DLG2: variants seen among roughly 807,000 people sequenced by gnomAD.
DLG2 encodes discs large MAGUK scaffold protein 2.
Under a neutral mutation model 132.5 loss-of-function variants are expected in DLG2, and 45 were observed. That is an observed-to-expected ratio of 0.34 (90% CI 0.27 to 0.44). The LOEUF is 0.44. Among genes scored for constraint, DLG2 ranks in the 20% least tolerant of loss-of-function variants. DLG2 has a pLI of 1.00. For synonymous variants in DLG2, 424 were observed against 419.6 expected (o/e 1.01, Z -0.13); for missense variants, 1,045 against 1,196.9 (o/e 0.87, Z 1.87).
intron 7 of DLG2, among the ~76,000 whole-genome samples, chr11:84,380,374 T>G (rs1026991199): frequency 1.3e-5 from 2 of 151,996 alleles, no homozygotes; most frequent in African/African-American, 4.8e-5. Flanking sequence ...AGTTCAAGCC[T>G]CAACAAATGT....
At chr11:84,165,727 G>A (rs952420370) in intron 8 of DLG2, among the ~76,000 whole-genome samples, 1 of 151,924 alleles carries the variant, frequency 6.6e-6, no homozygotes, top group Non-Finnish European at 1.5e-5. Context: ...GTGAAACCCC[G>A]TCTCTACTAA....
At chr11:83,819,324 G>C (rs2050017685) in intron 17 of DLG2, among the ~76,000 whole-genome samples, 1 of 151,750 alleles carries the variant, frequency 6.6e-6, no homozygotes, top group African/African-American at 2.4e-5. Context: ...ACAAAAACTA[G>C]CTGGGCATTG....
chr11:85,260,860 G>C (rs2076902476), intron 4 of DLG2, among the ~76,000 whole-genome samples: 2 of 152,154 alleles, frequency 1.3e-5, no homozygotes, highest in Admixed American at 6.5e-5. Flanking sequence ...CCAGAGATGG[G>C]ATGTAGCAAT....
intron 3 of DLG2, among the ~76,000 whole-genome samples, chr11:85,464,631 C>T (rs2092722075): frequency 6.6e-6 from 1 of 151,990 alleles, no homozygotes; most frequent in Non-Finnish European, 1.5e-5. Flanking sequence ...ATCTTGTGAC[C>T]TCTGGTCACA....
chr11:83,810,277 A>ATATT (rs2153961978), intron 17 of DLG2, among the ~76,000 whole-genome samples: 1 of 152,226 alleles, frequency 6.6e-6, no homozygotes, highest in South Asian at 2.1e-4. Context: ...GCTAATGTTG[A>ATATT]TATTTATCAA....
intron 7 of DLG2, among the ~76,000 whole-genome samples, chr11:84,500,160 G>A (rs1163244154): frequency 6.6e-6 from 1 of 152,106 alleles, no homozygotes; most frequent in South Asian, 2.1e-4. Context: ...TCGTATGATA[G>A]AGCGAGTTGG....
At chr11:84,813,606 A>G (rs1216924347) in intron 6 of DLG2, among the ~76,000 whole-genome samples, 1 of 152,132 alleles carries the variant, frequency 6.6e-6, no homozygotes, top group Non-Finnish European at 1.5e-5. Context: ...ATTGATGGGG[A>G]ATCGCTGACA....
In DLG2 at chr11:85,463,788, A is replaced by C. The variant is rs528792770; in HGVS notation, c.40+134869T>G. 3.9e-5 allele frequency among the ~76,000 whole-genome samples: 6 copies of C among 152,176 alleles called. No individual in the cohort carries two copies. The South Asian group carries it at 6.2e-4, about 16-fold the overall frequency. ...CTTGTTTAAAAATTTAAAAATTTTA[A>C]AAAACCTCGTCAGATATTGGTATTG... On this transcript the variant is annotated intron_variant, in intron 3 of 27. Coordinates refer to ENST00000376104, the MANE Select transcript of DLG2 (RefSeq NM_001142699.3).
intron 8 of DLG2, among the ~76,000 whole-genome samples, chr11:84,209,864 G>A (rs1459583601): frequency 6.6e-6 from 1 of 152,216 alleles, no homozygotes; most frequent in Non-Finnish European, 1.5e-5. Context: ...TGGTGCAAAT[G>A]TAGACTAGAA....
intron 18 of DLG2, among the ~76,000 whole-genome samples, chr11:83,650,265 T>A (rs1384757526): frequency 1.3e-5 from 2 of 152,188 alleles, no homozygotes; most frequent in African/African-American, 2.4e-5. Flanking sequence ...GAGATTTTCC[T>A]GGATTATATG....
intron 15 of DLG2, among the ~76,000 whole-genome samples, chr11:83,908,563 A>G (rs1299208001): frequency 2.6e-5 from 4 of 152,110 alleles, no homozygotes; most frequent in Non-Finnish European, 4.4e-5. Flanking sequence ...ACCCACGATT[A>G]GCATTTGTCC....
chr11:83,706,672 A>C (rs1226641788), intron 18 of DLG2, among the ~76,000 whole-genome samples: 1 of 152,190 alleles, frequency 6.6e-6, no homozygotes, highest in Non-Finnish European at 1.5e-5. Context: ...GGAGAGCTCT[A>C]CCCACCAGTT....
At chr11:85,260,875 TC>T (rs2076903701) in intron 4 of DLG2, among the ~76,000 whole-genome samples, 1 of 152,188 alleles carries the variant, frequency 6.6e-6, no homozygotes, top group South Asian at 2.1e-4. Context: ...AGCAATCTCT[TC>T]ATGGTAGACA....
At chr11:84,085,965 C>T (rs149673893) in intron 10 of DLG2, among the ~76,000 whole-genome samples, 2 of 152,194 alleles carry the variant, frequency 1.3e-5, no homozygotes, top group Non-Finnish European at 1.5e-5. Context: ...CTTTTGAAAA[C>T]AGAAATGCTA....
intron 7 of DLG2, among the ~76,000 whole-genome samples, chr11:84,457,104 T>C (rs1264063073): frequency 6.6e-6 from 1 of 151,214 alleles, no homozygotes; most frequent in Non-Finnish European, 1.5e-5. Flanking sequence ...TTAACAGGTA[T>C]TAGGTACAAA....
At chr11:85,435,607 G>C (rs1015361255) in intron 3 of DLG2, among the ~76,000 whole-genome samples, 7 of 151,916 alleles carry the variant, frequency 4.6e-5, no homozygotes, top group Admixed American at 2.0e-4. Context: ...GCTAACAAAG[G>C]GGTGAAGAAC....
chr11:83,588,631 C>T (rs2097134304), intron 19 of DLG2, among the ~76,000 whole-genome samples: 2 of 151,556 alleles, frequency 1.3e-5, no homozygotes, highest in African/African-American at 4.8e-5. Context: ...CGGAACAAAG[C>T]TGGATGGAGA....
chr11:84,187,625 C>G (rs181261464), intron 8 of DLG2, among the ~76,000 whole-genome samples: 57 of 152,070 alleles, frequency 3.7e-4, no homozygotes, highest in Non-Finnish European at 8.0e-4. Context: ...AAAATTTTAT[C>G]TCAATGTTGC....
intron 3 of DLG2, among the ~76,000 whole-genome samples, chr11:85,357,238 T>TTGTGTGTGTGTGTGTG (rs71036472): frequency 8.5e-5 from 10 of 118,128 alleles, no homozygotes; most frequent in East Asian, 2.6e-4. Flanking sequence ...AATATCCTCT[T>TTGTGTGTGTGTGTGTG]TGTGTGTGTG....
Sources: allele counts gnomAD v4.1 joint callset (sites outside exome capture counted in the v4.1 genomes callset), GRCh38; gene constraint gnomAD v4.1.1; transcripts MANE v1.5; gene names NCBI Gene and HGNC (gene_info 2026-07-23, HGNC 2026-07-21).